ISG20: variants seen among roughly 807,000 people sequenced by gnomAD.
The protein encoded by ISG20 is interferon stimulated exonuclease gene 20, also known as interferon-stimulated gene 20 kDa protein.
ISG20 carries 8 observed loss-of-function variants against 11.1 expected under a neutral mutation model. The observed-to-expected ratio is 0.72, with a 90% CI of 0.42 to 1.30. The LOEUF is 1.30. ISG20 is among the 50% of genes most tolerant of loss of function. The pLI is 0.01. For synonymous variants in ISG20, 110 were observed against 101.7 expected (o/e 1.08, Z -0.49); for missense variants, 243 against 250.2 (o/e 0.97, Z 0.19).
chr15:88,655,593 C>A lies in ISG20; in HGVS notation c.*62C>A. The A allele has an allele frequency of 8.4e-7, 1 of 1,196,038 alleles. No homozygotes were observed. The highest frequency in any genetic ancestry group is 1.5e-5 in the African/African-American group (1 of 65,228). The allele number at this position is 1,196,038 out of a possible 1,614,324, so 74.1% of individuals were successfully genotyped here. Reference sequence around the variant, plus strand: ...TTCGGCTTTTTGGGACAGCAACTACCTTGCTTTTGGAAAATACATTTTTAA... The same window carrying A: ...TTCGGCTTTTTGGGACAGCAACTACATTGCTTTTGGAAAATACATTTTTAA... On this transcript the variant is annotated 3_prime_UTR_variant, in exon 4 of 4. Transcript: ENST00000306072.
At chr15:88,645,630 T>C (rs2058159512) in intron 2 of ISG20, among the ~76,000 whole-genome samples, 1 of 152,098 alleles carries the variant, frequency 6.6e-6, no homozygotes, top group African/African-American at 2.4e-5. Flanking sequence ...TTTCTTGCTT[T>C]CTCTCATAGC....
Position 88,652,138 on chromosome 15 carries a change from TGGTG to T in ISG20, c.261_264del (p.Gly88MetfsTer3), listed in dbSNP as rs1427906555. Reference sequence around the variant, plus strand: ...CTGCAGCTCCTGAAAGGCAAGCTGGTGGTGGGTCATGACCTGAAGCACGACTTCC... The same window carrying T: ...CTGCAGCTCCTGAAAGGCAAGCTGGTGGTCATGACCTGAAGCACGACTTCC... On this transcript the variant is annotated frameshift_variant, in exon 3 of 4. Transcript: ENST00000306072. LOFTEE classifies it high-confidence loss of function. 6.2e-7 allele frequency: 1 copy of T among 1,613,994 alleles called. No homozygotes were observed. Among genetic ancestry groups the T allele is most frequent in the African/African-American group, 1.3e-5 (1 of 75,016 alleles).
At chr15:88,655,331 C>T (rs1015529645) in intron 3 of ISG20, 84 bp from the exon 4 acceptor site, 7 of 1,248,722 alleles carry the variant, frequency 5.6e-6, no homozygotes, top group Admixed American at 5.2e-5. Flanking sequence ...CTCTGGAAAT[C>T]GGGATGTGAC....
chr15:88,648,761 C>T (rs561227687), intron 2 of ISG20: 1 of 152,304 alleles, frequency 6.6e-6, no homozygotes, highest in African/African-American at 2.4e-5. Flanking sequence ...TTAAGAATAA[C>T]CTCATTGAGG....
chr15:88,651,711 C>G, intron 2 of ISG20: 2 of 898,656 alleles, frequency 2.2e-6, no homozygotes, highest in Non-Finnish European at 2.7e-6. Flanking sequence ...AATGCATTCA[C>G]AGATCCTGGG....
chr15:88,650,503 C>T lies in ISG20; in HGVS notation c.229-1607C>T. Reference sequence around the variant, plus strand: ...CTAGCCGTGTGACTGTCCCAGTTATCAAATGGTGCTTGGCAAATCACACCA... The same window carrying T: ...CTAGCCGTGTGACTGTCCCAGTTATTAAATGGTGCTTGGCAAATCACACCA... On this transcript the variant is annotated intron_variant, in intron 2 of 3. Transcript: ENST00000306072. The surrounding 1 kb of genome is among the most constrained non-coding windows in gnomAD (Gnocchi z 4.0). The T allele has an allele frequency of 7.2e-7, 1 of 1,387,450 alleles. No individual in the cohort carries two copies. Among genetic ancestry groups the T allele is most frequent in the Non-Finnish European group, 9.4e-7 (1 of 1,060,534 alleles). The allele number at this position is 1,387,450 out of a possible 1,614,324, so 85.9% of individuals were successfully genotyped here. A position where few individuals can be genotyped will look rare whatever the true frequency, so the allele number is the denominator to read the frequency against.
chr15:88,645,536 A>G (rs889510284), intron 2 of ISG20, among the ~76,000 whole-genome samples: 3 of 152,044 alleles, frequency 2.0e-5, no homozygotes, highest in South Asian at 2.1e-4. Flanking sequence ...CCCTATTAAA[A>G]TATCTCCCAT....
intron 2 of ISG20, among the ~76,000 whole-genome samples, chr15:88,640,675 A>G (rs899852678): frequency 3.9e-5 from 6 of 152,170 alleles, no homozygotes; most frequent in African/African-American, 1.4e-4. Flanking sequence ...AAAAAATGTT[A>G]GCTATTGGCT....
Position 88,654,287 on chromosome 15 carries a change from G to A in ISG20, c.430-1128G>A, listed in dbSNP as rs564726730. 2.9e-4 allele frequency among the ~76,000 whole-genome samples: 44 copies of A among 152,248 alleles called. 1 individual carries two copies. In the South Asian group the frequency reaches 4.1e-3, roughly 14 times the overall value. On this transcript the variant is annotated intron_variant, in intron 3 of 3. Coordinates refer to ENST00000306072, the MANE Select transcript of ISG20 (RefSeq NM_002201.6). Reference sequence around the variant, plus strand: ...TATGCAGAGGCACAGCGCAGACGACGCCACCATGCTACCTGCTTGCTGATT... The same window carrying A: ...TATGCAGAGGCACAGCGCAGACGACACCACCATGCTACCTGCTTGCTGATT...
chr15:88,641,593 T>G (rs575463078), intron 2 of ISG20, among the ~76,000 whole-genome samples: 78 of 152,352 alleles, frequency 5.1e-4, no homozygotes, highest in South Asian at 1.9e-3. Context: ...CATGTTCACA[T>G]GGCATTCTCT....
chr15:88,637,651 ACTG>A (rs2058006710), upstream of ISG20, among the ~76,000 whole-genome samples: 3 of 152,150 alleles, frequency 2.0e-5, no homozygotes, highest in East Asian at 1.9e-4. Context: ...ATGTGTTCTG[ACTG>A]AGACCCGAGG....
At position 88,650,389 on chromosome 15, in the gene ISG20, G is replaced by A; in HGVS notation, c.229-1721G>A. ...GCGCCTGGGCTGCTGGAGGCCTGGAGTGGTCGTTCACTCTTCTGGCTCAGT... is the reference window on the plus strand; with the variant it reads ...GCGCCTGGGCTGCTGGAGGCCTGGAATGGTCGTTCACTCTTCTGGCTCAGT... On this transcript the variant is annotated intron_variant, in intron 2 of 3. Coordinates refer to ENST00000306072, the MANE Select transcript of ISG20 (RefSeq NM_002201.6). The surrounding 1 kb of genome is among the most constrained non-coding windows in gnomAD (Gnocchi z 4.0). 6.5e-7 allele frequency: 1 copy of A among 1,527,892 alleles called. No individual in the cohort carries two copies. The highest frequency in any genetic ancestry group is 2.5e-5 in the East Asian group (1 of 40,730). The allele number at this position is 1,527,892 out of a possible 1,614,324, so 94.6% of individuals were successfully genotyped here. A position where few individuals can be genotyped will look rare whatever the true frequency, so the allele number is the denominator to read the frequency against.
chr15:88,640,850 A>C (rs1003782272), intron 2 of ISG20, among the ~76,000 whole-genome samples: 1 of 151,768 alleles, frequency 6.6e-6, no homozygotes, highest in Non-Finnish European at 1.5e-5. Flanking sequence ...GCCCATGGTC[A>C]CAGCTACTCC....
chr15:88,654,380 C>T (rs1038648619), intron 3 of ISG20, among the ~76,000 whole-genome samples: 5 of 152,182 alleles, frequency 3.3e-5, no homozygotes, highest in East Asian at 1.9e-4. Flanking sequence ...AGCGTAATAA[C>T]GGCAACAAGA....
At chr15:88,641,087 GATT>G (rs1325642796) in intron 2 of ISG20, among the ~76,000 whole-genome samples, 2 of 151,970 alleles carry the variant, frequency 1.3e-5, no homozygotes, top group Admixed American at 6.6e-5. Context: ...CTGCCTCCAG[GATT>G]CAAGTGGTTC....
In ISG20 at chr15:88,639,512, T is replaced by C. The variant is rs1258324469; in HGVS notation, c.146T>C (p.Ile49Thr). 2 of 1,613,980 alleles carry C rather than the reference T, an allele frequency of 1.2e-6. No individual in the cohort carries two copies. Among genetic ancestry groups the C allele is most frequent in the South Asian group, 1.1e-5 (1 of 91,082 alleles). The change falls in exon 2 of 4, where the codon ATC (isoleucine) becomes ACC (threonine). Residue 49 changes from isoleucine to threonine, a missense_variant. Transcript: ENST00000306072. The surrounding 1 kb of genome is among the most constrained non-coding windows in gnomAD (Gnocchi z 4.2). Reference protein sequence around the residue: ...YDKFIRPEGEITDYRTRVSGV... With the variant: ...YDKFIRPEGETTDYRTRVSGV... ...AAGTTCATCCGGCCTGAGGGAGAGA[T>C]CACCGATTACAGAACCCGGGTCAGC...
At position 88,656,211 on chromosome 15, in the gene ISG20, C is replaced by G. The variant is rs1319420243; in HGVS notation, c.*680C>G. Reference sequence around the variant, plus strand: ...TATTTGTGAGATGTTGCAGGCAAAGCCCCCAGCACCATGCCTGTCCTAGCT... The same window carrying G: ...TATTTGTGAGATGTTGCAGGCAAAGGCCCCAGCACCATGCCTGTCCTAGCT... On this transcript the variant is annotated 3_prime_UTR_variant, in exon 4 of 4. Transcript: ENST00000306072. 1 of 152,096 alleles carries G rather than the reference C, an allele frequency of 6.6e-6. No individual in the cohort carries two copies. Among genetic ancestry groups the G allele is most frequent in the Non-Finnish European group, 1.5e-5 (1 of 68,048 alleles). The allele number at this position is 152,096 out of a possible 1,614,324, so 9.4% of individuals were successfully genotyped here.
At chr15:88,651,672 C>A in intron 2 of ISG20, 1 of 568,814 alleles carries the variant, frequency 1.8e-6, no homozygotes, top group African/African-American at 2.0e-5. Context: ...CTAAGTTCTG[C>A]CCGGAACTTT....
chr15:88,652,287 C>A lies in ISG20; in HGVS notation c.406C>A (p.Arg136Ser). The change falls in exon 3 of 4, where the codon CGC becomes AGC. Residue 136 changes from arginine to serine, a missense_variant. Coordinates refer to ENST00000306072, the MANE Select transcript of ISG20 (RefSeq NM_002201.6). ...TGTCTCCCTGCGGGTGCTGAGTGAG[C>A]GCCTCCTACACAAGAGCATCCAGGT... Reference protein sequence around the residue: ...RRVSLRVLSERLLHKSIQNSL... With the variant: ...RRVSLRVLSESLLHKSIQNSL... 6.2e-7 allele frequency: 1 copy of A among 1,613,460 alleles called. No individual in the cohort carries two copies. The highest frequency in any genetic ancestry group is 8.5e-7 in the Non-Finnish European group (1 of 1,179,708).
Sources: gnomAD v4.1 joint callset for allele counts (sites outside exome capture counted in the v4.1 genomes callset) on GRCh38, gnomAD v4.1.1 for gene constraint, Gnocchi (gnomAD v3.1) non-coding constraint, MANE v1.5 for transcripts, NCBI Gene and HGNC (gene_info 2026-07-23, HGNC 2026-07-21) for gene names.